AUTS2: variants seen among roughly 807,000 people sequenced by gnomAD.
AUTS2 encodes activator of transcription and developmental regulator AUTS2.
In AUTS2, 17 loss-of-function variants were observed where a neutral mutation model predicts 112.4. The observed-to-expected ratio is 0.15, with a 90% confidence interval of 0.10 to 0.23. The LOEUF (loss-of-function observed/expected upper bound fraction) is 0.23, where lower values mean the gene tolerates loss of function less well. Ranked by LOEUF, AUTS2 falls within the 10% of genes least tolerant of loss-of-function variation. AUTS2 has a pLI of 1.00. For synonymous variants in AUTS2, 751 were observed against 702.7 expected (o/e 1.07, Z -1.09); for missense variants, 1,510 against 1,701.6 (o/e 0.89, Z 1.98).
chr7:70,582,197 G>A (rs185508078), intron 5 of AUTS2, among the ~76,000 whole-genome samples: 26 of 152,026 alleles, frequency 1.7e-4, no homozygotes, highest in East Asian at 5.8e-4. Context: ...TTTCTTTATC[G>A]TTATCATTAA....
intron 2 of AUTS2, among the ~76,000 whole-genome samples, chr7:70,037,897 TA>T (rs1380340579): frequency 2.8e-4 from 43 of 152,082 alleles, no homozygotes; most frequent in Admixed American, 3.9e-4. Flanking sequence ...TGTTAGGTAT[TA>T]AAAATATATA....
chr7:70,511,877 T>A (rs1373650575), intron 5 of AUTS2, among the ~76,000 whole-genome samples: 1 of 152,132 alleles, frequency 6.6e-6, no homozygotes, highest in Non-Finnish European at 1.5e-5. Flanking sequence ...ACATCCGGCC[T>A]GTCCTGTCAT....
chr7:69,864,298 G>C (rs1329242537), intron 1 of AUTS2, among the ~76,000 whole-genome samples: 1 of 152,164 alleles, frequency 6.6e-6, no homozygotes, highest in Non-Finnish European at 1.5e-5. Flanking sequence ...AGCCAAGTGA[G>C]AGCAAATCAA....
At chr7:69,994,500 GTGTT>G (rs1234821765) in intron 2 of AUTS2, among the ~76,000 whole-genome samples, 1 of 152,154 alleles carries the variant, frequency 6.6e-6, no homozygotes, top group East Asian at 1.9e-4. Flanking sequence ...ATCTGTGTGT[GTGTT>G]TGTGTGTGTT....
chr7:70,079,102 G>T (rs906750352), intron 2 of AUTS2, among the ~76,000 whole-genome samples: 3 of 152,134 alleles, frequency 2.0e-5, no homozygotes, highest in African/African-American at 7.2e-5. Context: ...GGGAAGGATA[G>T]CCCAGTCATA....
intron 6 of AUTS2, among the ~76,000 whole-genome samples, chr7:70,720,953 A>G (rs1786614627): frequency 6.6e-6 from 1 of 152,162 alleles, no homozygotes; most frequent in African/African-American, 2.4e-5. Context: ...TGTGTATTTC[A>G]GGTAACATAC....
At chr7:70,276,265 A>G (rs916487546) in intron 4 of AUTS2, among the ~76,000 whole-genome samples, 10 of 152,238 alleles carry the variant, frequency 6.6e-5, no homozygotes, top group African/African-American at 2.2e-4. Flanking sequence ...GAAAATATCA[A>G]TTGTAAAATA....
At chr7:70,511,352 C>A (rs11769098) in intron 5 of AUTS2, among the ~76,000 whole-genome samples, 35,470 of 151,522 alleles carry the variant, frequency 0.23, 4,268 homozygotes, top group Middle Eastern at 0.34. Flanking sequence ...ATTGTGTCAT[C>A]CAGTGAGAGA....
At chr7:70,083,253 C>T (rs1040334465) in intron 2 of AUTS2, among the ~76,000 whole-genome samples, 3 of 152,120 alleles carry the variant, frequency 2.0e-5, no homozygotes, top group Non-Finnish European at 4.4e-5. Context: ...TCACTGCTTC[C>T]GTGCTGTGTA....
At chr7:69,976,287 A>G (rs1041518972) in intron 2 of AUTS2, among the ~76,000 whole-genome samples, 7 of 152,244 alleles carry the variant, frequency 4.6e-5, no homozygotes, top group Non-Finnish European at 8.8e-5. Flanking sequence ...ATTTCACTTC[A>G]TAATATCCTC....
At chr7:70,314,426 G>A (rs373086095) in intron 4 of AUTS2, among the ~76,000 whole-genome samples, 5 of 152,316 alleles carry the variant, frequency 3.3e-5, no homozygotes, top group East Asian at 1.9e-4. Context: ...GTGTGCACAC[G>A]TAGACATTCT....
intron 1 of AUTS2, among the ~76,000 whole-genome samples, chr7:69,728,642 A>G (rs1036287894): frequency 1.3e-5 from 2 of 150,186 alleles, no homozygotes; most frequent in African/African-American, 4.9e-5. Flanking sequence ...CTTTGGGAGC[A>G]CTCAAAGTAT....
At chr7:69,721,226 G>A (rs956391194) in intron 1 of AUTS2, among the ~76,000 whole-genome samples, 6 of 152,174 alleles carry the variant, frequency 3.9e-5, no homozygotes, top group African/African-American at 1.4e-4. Context: ...TACTGCAGCA[G>A]CAATGCATTC....
chr7:70,397,707 G>C (rs897495153), intron 4 of AUTS2, among the ~76,000 whole-genome samples: 2 of 151,924 alleles, frequency 1.3e-5, no homozygotes, highest in African/African-American at 4.8e-5. Context: ...CTCCTAGTTT[G>C]TGGGTTCTTT....
At chr7:70,121,620 G>A (rs1297184209) in intron 3 of AUTS2, among the ~76,000 whole-genome samples, 10 of 152,204 alleles carry the variant, frequency 6.6e-5, no homozygotes, top group African/African-American at 7.2e-5. Context: ...AAACTGTAAC[G>A]AGATTATCAT....
intron 4 of AUTS2, among the ~76,000 whole-genome samples, chr7:70,170,158 TA>T (rs1238246281): frequency 6.4e-5 from 9 of 140,004 alleles, no homozygotes; most frequent in Admixed American, 3.6e-4. Context: ...TAAATGCAAG[TA>T]TTTTTTTTTT....
intron 5 of AUTS2, among the ~76,000 whole-genome samples, chr7:70,444,373 T>TGTGTGTGTGTGTGTGTGAGA (rs372696006): frequency 2.3e-4 from 33 of 142,508 alleles, no homozygotes; most frequent in African/African-American, 7.5e-4. Context: ...TGTGTGTGTG[T>TGTGTGTGTGTGTGTGTGAGA]GAGAGAGAGA....
chr7:69,882,150 C>CAAAAAAAA (rs57238970), intron 1 of AUTS2, among the ~76,000 whole-genome samples: 1 of 57,134 alleles, frequency 1.8e-5, no homozygotes, highest in Non-Finnish European at 3.3e-5. Flanking sequence ...AACTCTGTCT[C>CAAAAAAAA]AAAAAAAAAA....
intron 5 of AUTS2, among the ~76,000 whole-genome samples, chr7:70,640,857 C>T (rs1454662023): frequency 1.3e-5 from 2 of 152,184 alleles, no homozygotes; most frequent in Non-Finnish European, 2.9e-5. Flanking sequence ...GTTGCTAGAG[C>T]CCACGCCGTC....
Sources: gnomAD v4.1 joint callset for allele counts (sites outside exome capture counted in the v4.1 genomes callset) on GRCh38, gnomAD v4.1.1 for gene constraint, MANE v1.5 for transcripts, NCBI Gene and HGNC (gene_info 2026-07-23, HGNC 2026-07-21) for gene names.